ERICH1: variants seen among roughly 807,000 people sequenced by gnomAD.
ERICH1 encodes the protein glutamate rich 1, also known as glutamate-rich protein 1.
ERICH1 carries 56 observed loss-of-function variants against 39.6 expected under a neutral mutation model. That is an observed-to-expected ratio of 1.41 (90% confidence interval 1.14 to 1.77). ERICH1 has a LOEUF of 1.77. Ranked by LOEUF, ERICH1 falls within the 40% of genes most tolerant of loss-of-function variation. The pLI is 0.00. For synonymous variants in ERICH1, 313 were observed against 223.6 expected (o/e 1.40, Z -3.57); for missense variants, 826 against 575.4 (o/e 1.44, Z -4.45).
chr8:664,789 T>A lies in ERICH1; in HGVS notation c.1259-113A>T, dbSNP rs73670364. On this transcript the variant is annotated intron_variant, in intron 5 of 5. Transcript: ENST00000262109. ...GCCCAAAGTGAACTCCCAAATAATC[T>A]AATAAAATGCAACTTTGGCATGAAA... The A allele has an allele frequency of 1.4e-3, 1,072 of 751,102 alleles. 9 individuals carry two copies. In the African/African-American group the frequency reaches 0.017, roughly 12 times the overall value. 46.5% of individuals were successfully genotyped at this position (751,102 alleles called of 1,614,324 possible). A position where few individuals can be genotyped will look rare whatever the true frequency, so the allele number is the denominator to read the frequency against.
downstream of ERICH1, among the ~76,000 whole-genome samples, chr8:659,787 C>A (rs57432331): frequency 6.9e-4 from 17 of 24,670 alleles, no homozygotes; most frequent in African/African-American, 4.8e-3. Context: ...TGTGCACTGA[C>A]CATCCTGGGG....
rs1390894196 is a variant in ERICH1 at position 675,211 on chromosome 8, GTGAGGACAGAGAC to G, written c.305-1177_305-1165del. ...GAGGACAGAGACGCGGCGCCCCCTC[GTGAGGACAGAGAC>G]GCGGCGGCCCCTCGGCGAGGACAGA... is the stretch of plus-strand genomic sequence containing the variant. On this transcript the variant is annotated intron_variant, in intron 3 of 5. Transcript: ENST00000262109. Among the ~76,000 whole-genome samples the G allele has an allele frequency of 5.8e-4, 13 of 22,458 alleles. 1 individual carries two copies. The highest frequency in any genetic ancestry group is 7.6e-4 in the Non-Finnish European group (9 of 11,884). The allele number at this position is 22,458 out of a possible 152,430, so 14.7% of individuals were successfully genotyped here.
At chr8:723,910 A>G (rs1024936108) in intron 1 of ERICH1, among the ~76,000 whole-genome samples, 1 of 152,240 alleles carries the variant, frequency 6.6e-6, no homozygotes, top group African/African-American at 2.4e-5. Context: ...ATAGAATTAC[A>G]TCACTTCACA....
chr8:713,309 C>G (rs1287301118), intron 2 of ERICH1, among the ~76,000 whole-genome samples: 1 of 152,206 alleles, frequency 6.6e-6, no homozygotes, highest in East Asian at 1.9e-4. Flanking sequence ...CGCAATTCAG[C>G]CTATAATAAG....
At chr8:683,610 A>T (rs1430427021) in intron 3 of ERICH1, among the ~76,000 whole-genome samples, 8 of 152,252 alleles carry the variant, frequency 5.3e-5, no homozygotes, top group African/African-American at 1.9e-4. Context: ...CCCCGGCTCC[A>T]TGCCAGCTGC....
At chr8:687,003 G>T (rs1182236449) in intron 3 of ERICH1, among the ~76,000 whole-genome samples, 1 of 152,198 alleles carries the variant, frequency 6.6e-6, no homozygotes, top group Admixed American at 6.5e-5. Flanking sequence ...GAGAAGTCAC[G>T]CTAGGACTCC....
At chr8:615,572 A>G in intron 3 of ERICH1, 1 of 340,658 alleles carries the variant, frequency 2.9e-6, no homozygotes, top group Non-Finnish European at 5.3e-6. Flanking sequence ...AGCTGCAGAC[A>G]GCTATTTGGC....
chr8:707,027 A>C (rs1412755314), intron 2 of ERICH1, among the ~76,000 whole-genome samples: 1 of 152,050 alleles, frequency 6.6e-6, no homozygotes, highest in East Asian at 1.9e-4. Context: ...AGAGACCCTG[A>C]GTCTTGAAAA....
Position 671,277 on chromosome 8 carries a change from G to A in ERICH1, c.1063+2012C>T, listed in dbSNP as rs572741621. On this transcript the variant is annotated intron_variant, in intron 4 of 5. Coordinates refer to ENST00000262109, the MANE Select transcript of ERICH1 (RefSeq NM_207332.3). The stretch of plus-strand genomic sequence containing the variant: ...CTGGCCCCTGCTCCGACCACTGAGC[G>A]CGCTGGTCCCCAGGCTCCGACCTCT... 6.2e-4 allele frequency among the ~76,000 whole-genome samples: 54 copies of A among 87,614 alleles called. 1 individual carries two copies. The highest frequency in any genetic ancestry group is 2.3e-3 in the African/African-American group (51 of 22,560). The allele number at this position is 87,614 out of a possible 152,430, so 57.5% of individuals were successfully genotyped here. A position where few individuals can be genotyped will look rare whatever the true frequency, so the allele number is the denominator to read the frequency against.
intron 3 of ERICH1, among the ~76,000 whole-genome samples, chr8:679,800 C>A (rs12544239): frequency 6.6e-6 from 1 of 152,210 alleles, no homozygotes; most frequent in Non-Finnish European, 1.5e-5. Context: ...AGGGAGACAA[C>A]GTGTGCAAGA....
chr8:652,228 G>A (rs1800059206), intron 3 of ERICH1, among the ~76,000 whole-genome samples: 1 of 152,226 alleles, frequency 6.6e-6, no homozygotes, highest in African/African-American at 2.4e-5. Context: ...ACTTCCGGTG[G>A]CAGGAAATGC....
At chr8:665,724 T>A (rs1802114902) in intron 5 of ERICH1, among the ~76,000 whole-genome samples, 1 of 152,224 alleles carries the variant, frequency 6.6e-6, no homozygotes, top group African/African-American at 2.4e-5. Flanking sequence ...GCGGGAGAGC[T>A]TGGCCCTAAT....
At chr8:677,936 G>A (rs1308607507) in intron 3 of ERICH1, among the ~76,000 whole-genome samples, 3 of 151,998 alleles carry the variant, frequency 2.0e-5, no homozygotes, top group African/African-American at 7.3e-5. Flanking sequence ...CGCCAGTGTC[G>A]TACCCCGGGG....
chr8:686,675 C>G (rs1178211917), intron 3 of ERICH1: 1 of 152,234 alleles, frequency 6.6e-6, no homozygotes, highest in Non-Finnish European at 1.5e-5. Flanking sequence ...TTCTGATGGC[C>G]CAGGATGCAT....
intron 3 of ERICH1, among the ~76,000 whole-genome samples, chr8:637,122 TCTC>T (rs1798498746): frequency 6.6e-6 from 1 of 152,142 alleles, no homozygotes. Context: ...GCTTCTCTCT[TCTC>T]TCTGCAGCCA....
intron 1 of ERICH1, among the ~76,000 whole-genome samples, chr8:721,572 T>A (rs1185493656): frequency 6.6e-6 from 1 of 152,206 alleles, no homozygotes; most frequent in Non-Finnish European, 1.5e-5. Context: ...AATCAGCTGT[T>A]TTAGACCAAA....
chr8:691,378 C>T (rs1391450490), intron 3 of ERICH1, among the ~76,000 whole-genome samples: 1 of 152,242 alleles, frequency 6.6e-6, no homozygotes, highest in Non-Finnish European at 1.5e-5. Context: ...GCAGTGTTGG[C>T]TCATGGCCAA....
At chr8:709,204 A>T (rs1351107638) in intron 2 of ERICH1, among the ~76,000 whole-genome samples, 4 of 152,174 alleles carry the variant, frequency 2.6e-5, no homozygotes, top group Admixed American at 6.5e-5. Context: ...ATTCCCTTTT[A>T]AGCCAGGGCC....
At position 730,950 on chromosome 8, in the gene ERICH1, G is replaced by C. The variant is rs539753226; in HGVS notation, c.22+190C>G. 4.6e-3 allele frequency among the ~76,000 whole-genome samples: 706 copies of C among 152,248 alleles called. 6 individuals carry two copies. The highest frequency in any genetic ancestry group is 0.016 in the African/African-American group (667 of 41,542). ...CAGCAGCCATGCAAGCAACAACACG[G>C]GCGAGGGGTGGGCCGCGGTCCGGGG... On this transcript the variant is annotated intron_variant, in intron 1 of 5. Transcript: ENST00000262109.
Sources: allele counts gnomAD v4.1 joint callset (sites outside exome capture counted in the v4.1 genomes callset), GRCh38; gene constraint gnomAD v4.1.1; transcripts MANE v1.5; gene names NCBI Gene and HGNC (gene_info 2026-07-23, HGNC 2026-07-21).